The following IL7R variants were observed in gnomAD, a reference collection of about 807,000 sequenced individuals.
IL7R encodes interleukin 7 receptor.
IL7R carries 38 observed loss-of-function variants against 47.0 expected under a neutral mutation model. The observed-to-expected ratio is 0.81, with a 90% confidence interval of 0.62 to 1.06. The LOEUF (loss-of-function observed/expected upper bound fraction) is 1.06. Among genes scored for constraint, IL7R ranks in the 50% least tolerant of loss-of-function variants. IL7R has a pLI of 0.00. For missense variants in IL7R, 633 were observed against 534.8 expected, an observed-to-expected ratio of 1.18 and a Z score of -1.81; for synonymous variants, 221 against 199.8, an observed-to-expected ratio of 1.11 and a Z score of -0.89.
At chr5:35,874,284 A>G (rs1296299523) in intron 5 of IL7R, among the ~76,000 whole-genome samples, 165 bp from the exon 6 acceptor site, 1 of 152,154 alleles carries the variant, frequency 6.6e-6, no homozygotes, top group African/African-American at 2.4e-5. Flanking sequence ...TGCCTTTTAA[A>G]CCAAAATCCC....
intron 4 of IL7R, among the ~76,000 whole-genome samples, chr5:35,873,021 G>A (rs77120727): frequency 6.6e-6 from 1 of 151,142 alleles, no homozygotes; most frequent in Non-Finnish European, 1.5e-5. Context: ...TGATAGAGTG[G>A]TTTTTTTTTA....
intron 2 of IL7R, among the ~76,000 whole-genome samples, chr5:35,863,022 G>A (rs764405789): frequency 6.6e-6 from 1 of 151,708 alleles, no homozygotes; most frequent in African/African-American, 2.4e-5. Flanking sequence ...CCAAAAATTC[G>A]GTTTTTATTT....
Position 35,873,527 on chromosome 5 carries a change from C to T in IL7R, c.585C>T (p.Leu195=), listed in dbSNP as rs762673467. ...AGCTGACACTCCTGCAGAGAAAGCT[C>T]CAACCGGCAGCAATGTATGAGATTA... The part of the protein sequence containing the change: ...STKLTLLQRK[L]QPAAMYEIKV... Residue 195 remains leucine (L), a synonymous_variant, in exon 5 of 8, where the codon CTC becomes CTT. Transcript: ENST00000303115. The T allele has an allele frequency of 6.8e-6, 11 of 1,614,028 alleles. No homozygotes were observed. Among genetic ancestry groups the T allele is most frequent in the Non-Finnish European group, 9.3e-6 (11 of 1,179,916 alleles).
rs2149905601 is a variant in IL7R at position 35,876,160 on chromosome 5, G to C, written c.1054G>C (p.Glu352Gln). Residue 352 changes from glutamate (E) to glutamine (Q), a missense_variant, in exon 8 of 8, where the codon GAG becomes CAG. Glu to Gln is a conservative substitution (Grantham distance 29). Coordinates refer to ENST00000303115, the MANE Select transcript of IL7R (RefSeq NM_002185.5). ...GDVQSPNCPS[E>Q]DVVITPESFG... ...TGTGCAGAGCCCCAACTGCCCATCTGAGGATGTAGTCATCACTCCAGAAAG... is the reference window on the plus strand; with the variant it reads ...TGTGCAGAGCCCCAACTGCCCATCTCAGGATGTAGTCATCACTCCAGAAAG... 6.2e-7 allele frequency: 1 copy of C among 1,614,178 alleles called. No homozygotes were observed. Among genetic ancestry groups the C allele is most frequent in the African/African-American group, 1.3e-5 (1 of 75,054 alleles).
intron 1 of IL7R, among the ~76,000 whole-genome samples, chr5:35,857,265 A>T (rs1396568286): frequency 2.6e-5 from 4 of 152,100 alleles, no homozygotes; most frequent in African/African-American, 9.7e-5. Flanking sequence ...AGACCTCAGT[A>T]TTCTCAAGAA....
rs1034860060 is a variant in IL7R, at chr5:35,877,939, G to C, written c.*1453G>C. The C allele has an allele frequency of 1.7e-5, 4 of 233,132 alleles. No homozygotes were observed. The highest frequency in any genetic ancestry group is 2.5e-5 in the Non-Finnish European group (3 of 118,070). The allele number at this position is 233,132 out of a possible 1,614,324, so 14.4% of individuals were successfully genotyped here. On this transcript the variant is annotated 3_prime_UTR_variant, in exon 8 of 8. Coordinates refer to ENST00000303115, the MANE Select transcript of IL7R (RefSeq NM_002185.5). Reference sequence around the variant, plus strand: ...AGATGCTGCACAGAAAACTAGAGAAGGGGTCATAGGTTCATGGTTTTGTTT... The same window carrying C: ...AGATGCTGCACAGAAAACTAGAGAACGGGTCATAGGTTCATGGTTTTGTTT...
At chr5:35,857,558 T>A (rs1250058413) in intron 1 of IL7R, among the ~76,000 whole-genome samples, 2 of 152,170 alleles carry the variant, frequency 1.3e-5, no homozygotes, top group Admixed American at 6.5e-5. Flanking sequence ...ATAGTAGACA[T>A]CCAATAACTT....
intron 3 of IL7R, among the ~76,000 whole-genome samples, chr5:35,868,512 C>A (rs1759995416): frequency 6.6e-6 from 1 of 152,184 alleles, no homozygotes; most frequent in Non-Finnish European, 1.5e-5. Context: ...GTTGGCCACA[C>A]AGAAGCAGCA....
chr5:35,878,202 T>C lies in IL7R; in HGVS notation c.*1716T>C, dbSNP rs1321844973. ...TTTTACTTTCCAAAGTGCTCTCCTC[T>C]GCACCAGCAGTAATAAATACAATGC... On this transcript the variant is annotated 3_prime_UTR_variant, in exon 8 of 8. Transcript: ENST00000303115. The C allele has an allele frequency of 1.3e-5, 3 of 233,176 alleles. No homozygotes were observed. The highest frequency in any genetic ancestry group is 6.6e-5 in the African/African-American group (3 of 45,354). 14.4% of individuals were successfully genotyped at this position (233,176 alleles called of 1,614,324 possible).
At chr5:35,857,219 CA>C (rs1759673867) in intron 1 of IL7R, among the ~76,000 whole-genome samples, 160 bp downstream of exon 1, 2 of 151,882 alleles carry the variant, frequency 1.3e-5, no homozygotes, top group African/African-American at 2.4e-5. Flanking sequence ...ACCACCATGA[CA>C]GGGGGCAGGG....
Position 35,876,804 on chromosome 5 carries a change from A to T in IL7R, c.*318A>T, listed in dbSNP as rs1439171865. 1 of 418,058 alleles carries T rather than the reference A, an allele frequency of 2.4e-6. No homozygotes were observed. The highest frequency in any genetic ancestry group is 4.3e-6 in the Non-Finnish European group (1 of 230,958). The allele number at this position is 418,058 out of a possible 1,614,324, so 25.9% of individuals were successfully genotyped here. ...ATGATTGAGGAGTGAGGAAGGCAGG[A>T]AGAGAGCATGAGAGGAAAGAAAGAA... On this transcript the variant is annotated 3_prime_UTR_variant, in exon 8 of 8. Coordinates refer to ENST00000303115, the MANE Select transcript of IL7R (RefSeq NM_002185.5).
chr5:35,874,331 G>A, intron 5 of IL7R, 118 bp from the exon 6 acceptor site: 2 of 810,328 alleles, frequency 2.5e-6, no homozygotes, highest in East Asian at 4.9e-5. Flanking sequence ...TAACTGAAAA[G>A]CAACTTTCAG....
rs1327404237 is a variant in IL7R at position 35,876,944 on chromosome 5, T to C, written c.*458T>C. The stretch of plus-strand genomic sequence containing the variant: ...CCTGACAATAATCCTGGGAGGTGTG[T>C]GCAATTACTACGACTACTCTCTTTT... On this transcript the variant is annotated 3_prime_UTR_variant, in exon 8 of 8. Coordinates refer to ENST00000303115, the MANE Select transcript of IL7R (RefSeq NM_002185.5). 1 of 254,514 alleles carries C rather than the reference T, an allele frequency of 3.9e-6. No individual in the cohort carries two copies. The highest frequency in any genetic ancestry group is 5.6e-5 in the East Asian group (1 of 17,882). The allele number at this position is 254,514 out of a possible 1,614,324, so 15.8% of individuals were successfully genotyped here.
chr5:35,872,857 A>T (rs1390730066), intron 4 of IL7R, among the ~76,000 whole-genome samples: 1 of 152,200 alleles, frequency 6.6e-6, no homozygotes, highest in Non-Finnish European at 1.5e-5. Flanking sequence ...TAAATCATTA[A>T]AAAAACAAAT....
In IL7R at chr5:35,857,081, T is replaced by G. The variant is rs371210882; in HGVS notation, c.82+22T>G. The G allele has an allele frequency of 3.8e-5, 54 of 1,420,444 alleles. No individual in the cohort carries two copies. In the African/African-American group the frequency reaches 5.5e-4, roughly 14 times the overall value. The allele number at this position is 1,420,444 out of a possible 1,614,324, so 88.0% of individuals were successfully genotyped here. Reference sequence around the variant, plus strand: ...AATGGTGAGTCATTTCTAAGTTTTCTTATGGATTTTGGATTATCTGTAGCA... The same window carrying G: ...AATGGTGAGTCATTTCTAAGTTTTCGTATGGATTTTGGATTATCTGTAGCA... On this transcript the variant is annotated intron_variant, in intron 1 of 7. Transcript: ENST00000303115.
chr5:35,873,378 G>A (rs1760120421), intron 4 of IL7R, 102 bp from the exon 5 acceptor site: 1 of 994,872 alleles, frequency 1.0e-6, no homozygotes, highest in Non-Finnish European at 1.6e-6. Context: ...CAACTTCAGA[G>A]AATGCTTATG....
intron 2 of IL7R, among the ~76,000 whole-genome samples, chr5:35,862,956 G>A (rs1759854710): frequency 6.6e-6 from 1 of 151,986 alleles, no homozygotes; most frequent in Admixed American, 6.6e-5. Context: ...ACCATCTTCA[G>A]ATCTTTCCAC....
rs2149905210 is a variant in IL7R at position 35,876,029 on chromosome 5, T to A, written c.923T>A (p.Ile308Asn). Reference sequence around the variant, plus strand: ...CCTGAAAGTTTCCTGGACTGCCAGATTCATAGGGTGGATGACATTCAAGCT... The same window carrying A: ...CCTGAAAGTTTCCTGGACTGCCAGAATCATAGGGTGGATGACATTCAAGCT... ...FNPESFLDCQ[I>N]HRVDDIQARD... Residue 308 changes from isoleucine to asparagine, a missense_variant, in exon 8 of 8, where the codon ATT becomes AAT. Transcript: ENST00000303115. The A allele has an allele frequency of 6.2e-7, 1 of 1,614,100 alleles. No individual in the cohort carries two copies. The highest frequency in any genetic ancestry group is 8.5e-7 in the Non-Finnish European group (1 of 1,180,012).
chr5:35,867,877 A>G (rs976202215), intron 3 of IL7R, among the ~76,000 whole-genome samples: 16 of 149,986 alleles, frequency 1.1e-4, no homozygotes, highest in African/African-American at 3.7e-4. Context: ...TATTTTAAAA[A>G]GCATATATGC....
Sources: gnomAD v4.1 joint callset for allele counts (sites outside exome capture counted in the v4.1 genomes callset) on GRCh38, gnomAD v4.1.1 for gene constraint, MANE v1.5 for transcripts, NCBI Gene and HGNC (gene_info 2026-07-23, HGNC 2026-07-21) for gene names.